The following GABRG3 variants were observed in gnomAD, a reference collection of about 807,000 sequenced individuals.
GABRG3 encodes gamma-aminobutyric acid receptor subunit gamma-3.
GABRG3 carries 25 observed loss-of-function variants against 48.8 expected under a neutral mutation model. The ratio of observed to expected loss-of-function variants is 0.51; its 90% confidence interval spans 0.37 to 0.72. The LOEUF is 0.72. Ranked by LOEUF, GABRG3 falls within the 30% of genes least tolerant of loss-of-function variation. GABRG3 has a pLI of 0.00. For missense variants in GABRG3, 394 were observed against 577.9 expected (o/e 0.68, Z 3.26); for synonymous variants, 227 against 217.6 (o/e 1.04, Z -0.38).
intron 3 of GABRG3, among the ~76,000 whole-genome samples, chr15:27,226,712 C>G (rs552930872): frequency 6.6e-6 from 1 of 152,196 alleles, no homozygotes; most frequent in Non-Finnish European, 1.5e-5. Flanking sequence ...CCTGGAGTGA[C>G]GGGCACATAA....
intron 5 of GABRG3, among the ~76,000 whole-genome samples, chr15:27,372,340 C>G (rs1009904560): frequency 6.6e-6 from 1 of 152,120 alleles, no homozygotes; most frequent in Non-Finnish European, 1.5e-5. Context: ...GAAGGAGCTG[C>G]TTACAGCCAT....
chr15:27,424,707 C>T (rs1046732977), intron 5 of GABRG3, among the ~76,000 whole-genome samples: 3 of 152,022 alleles, frequency 2.0e-5, no homozygotes, highest in African/African-American at 7.2e-5. Flanking sequence ...ACGCCTGCCA[C>T]CACACCTGGC....
intron 2 of GABRG3, among the ~76,000 whole-genome samples, chr15:27,010,469 C>G (rs1477458589): frequency 6.6e-6 from 1 of 152,150 alleles, no homozygotes; most frequent in East Asian, 1.9e-4. Flanking sequence ...AAAACAATAG[C>G]CCCAGGCATT....
At chr15:27,510,820 A>G (rs1890878751) in intron 6 of GABRG3, among the ~76,000 whole-genome samples, 1 of 152,230 alleles carries the variant, frequency 6.6e-6, no homozygotes. Context: ...TTACGGTTAA[A>G]CAGGATTACG....
chr15:27,286,453 G>C (rs1020111642), intron 3 of GABRG3, among the ~76,000 whole-genome samples: 4 of 152,198 alleles, frequency 2.6e-5, no homozygotes, highest in Admixed American at 6.5e-5. Context: ...TCTTGAGACT[G>C]TGACTTGGGA....
chr15:27,163,974 C>T (rs558965113), intron 3 of GABRG3, among the ~76,000 whole-genome samples: 8 of 152,178 alleles, frequency 5.3e-5, no homozygotes, highest in South Asian at 4.2e-4. Flanking sequence ...AATTCAGTTA[C>T]GGGGGGATGG....
intron 3 of GABRG3, among the ~76,000 whole-genome samples, chr15:27,150,385 G>A (rs1052387568): frequency 6.6e-6 from 1 of 152,080 alleles, no homozygotes; most frequent in African/African-American, 2.4e-5. Context: ...AAAAATGCAT[G>A]TATACTATAA....
intron 3 of GABRG3, among the ~76,000 whole-genome samples, chr15:27,096,162 G>C (rs1301838906): frequency 6.6e-6 from 1 of 152,208 alleles, no homozygotes; most frequent in Non-Finnish European, 1.5e-5. Flanking sequence ...ACAAAGCAGG[G>C]TTCTGGTTTC....
chr15:27,184,787 T>G (rs771660612), intron 3 of GABRG3, among the ~76,000 whole-genome samples: 16 of 152,344 alleles, frequency 1.1e-4, no homozygotes, highest in Non-Finnish European at 2.4e-4. Context: ...TTTGAAGAAC[T>G]GGTCCACTTC....
intron 5 of GABRG3, among the ~76,000 whole-genome samples, chr15:27,379,233 T>TGG: frequency 6.6e-6 from 1 of 152,216 alleles, no homozygotes; most frequent in East Asian, 1.9e-4. Context: ...ATTTTTCCCC[T>TGG]TGTTTGGGGT....
chr15:27,200,997 C>G (rs549695823), intron 3 of GABRG3, among the ~76,000 whole-genome samples: 77 of 152,226 alleles, frequency 5.1e-4, no homozygotes, highest in African/African-American at 1.8e-3. Flanking sequence ...AGATACTCAG[C>G]CTTCTCCATG....
intron 3 of GABRG3, among the ~76,000 whole-genome samples, chr15:27,143,272 G>T (rs1271838820): frequency 3.3e-5 from 5 of 152,078 alleles, no homozygotes; most frequent in Non-Finnish European, 7.4e-5. Context: ...AGGGATGGGG[G>T]TCTCGCTGTG....
intron 6 of GABRG3, among the ~76,000 whole-genome samples, chr15:27,510,337 C>T (rs762228737): frequency 1.2e-4 from 19 of 152,146 alleles, no homozygotes; most frequent in African/African-American, 2.4e-4. Flanking sequence ...TTGGGCCCAA[C>T]GGTACTGCCA....
intron 5 of GABRG3, among the ~76,000 whole-genome samples, chr15:27,441,272 A>G (rs1032577515): frequency 6.6e-6 from 1 of 152,186 alleles, no homozygotes; most frequent in African/African-American, 2.4e-5. Flanking sequence ...TACCTGCTGT[A>G]GGCTTAAATC....
In GABRG3 at chr15:27,008,462, GGAT is replaced by G. The variant is rs1895626932; in HGVS notation, c.203-18291_203-18289del. 3.3e-5 allele frequency among the ~76,000 whole-genome samples: 5 copies of G among 152,118 alleles called. No homozygotes were observed. In the South Asian group the frequency reaches 1.0e-3, roughly 32 times the overall value. The stretch of plus-strand genomic sequence containing the variant: ...TGAACAGTTCTTCCAAATATAGATG[GGAT>G]AGGAATCTTTTGGCTGACAATCACT... On this transcript the variant is annotated intron_variant, in intron 2 of 9. Transcript: ENST00000615808.
intron 3 of GABRG3, among the ~76,000 whole-genome samples, chr15:27,187,218 G>T (rs545859365): frequency 6.6e-6 from 1 of 152,034 alleles, no homozygotes; most frequent in Non-Finnish European, 1.5e-5. Context: ...TGGCTTTGTC[G>T]AAGATTAAAT....
chr15:27,129,713 GTT>G lies in GABRG3; in HGVS notation c.270+102904_270+102905del, dbSNP rs144545389. On this transcript the variant is annotated intron_variant, in intron 3 of 9. Coordinates refer to ENST00000615808, the MANE Select transcript of GABRG3 (RefSeq NM_033223.5). ...GCCAACACTTGTTAGTTTCTGTTTTGTTTTTTTTTTTTTCATAACAGCCATGC... is the reference window on the plus strand; with the variant it reads ...GCCAACACTTGTTAGTTTCTGTTTTGTTTTTTTTTTTCATAACAGCCATGC... 1.6e-4 allele frequency among the ~76,000 whole-genome samples: 23 copies of G among 142,710 alleles called. 1 individual carries two copies. Among genetic ancestry groups the G allele is most frequent in the Non-Finnish European group, 2.6e-4 (17 of 65,262 alleles). 93.6% of individuals were successfully genotyped at this position (142,710 alleles called of 152,430 possible).
chr15:27,102,139 C>T (rs1266336632), intron 3 of GABRG3, among the ~76,000 whole-genome samples: 5 of 152,198 alleles, frequency 3.3e-5, no homozygotes, highest in Non-Finnish European at 7.3e-5. Flanking sequence ...CTCCTGAGCT[C>T]TGTGTTTCAG....
chr15:27,411,616 T>A (rs1887800292), intron 5 of GABRG3, among the ~76,000 whole-genome samples: 1 of 152,252 alleles, frequency 6.6e-6, no homozygotes, highest in Non-Finnish European at 1.5e-5. Context: ...GTATTCTTAC[T>A]GCTTTTATGG....
Sources: gnomAD v4.1 joint callset for allele counts (sites outside exome capture counted in the v4.1 genomes callset) on GRCh38, gnomAD v4.1.1 for gene constraint, MANE v1.5 for transcripts, NCBI Gene and HGNC (gene_info 2026-07-23, HGNC 2026-07-21) for gene names.